The following C10orf71 variants were observed in gnomAD, a reference collection of about 807,000 sequenced individuals.
C10orf71 encodes the protein chromosome 10 open reading frame 71.
For missense variants in C10orf71, 1,869 were observed against 1,804.5 expected (o/e 1.04, Z -0.65); for synonymous variants, 758 against 726.3 (o/e 1.04, Z -0.70).
In C10orf71 at chr10:49,324,475, C is replaced by T; in HGVS notation, c.1930C>T (p.His644Tyr). The change falls in exon 3 of 3, where the codon CAC becomes TAC. Residue 644 changes from histidine to tyrosine, a missense_variant. Physicochemically the swap from His to Tyr is moderately conservative, Grantham distance 83. Coordinates refer to ENST00000374144, the MANE Select transcript of C10orf71 (RefSeq NM_001135196.2). ...CTCCAGGGAACACCGCCCCAGGAAA[C>T]ACCTCTCCCTGAGGCTTTGCAATAG... ...PDSREHRPRK[H>Y]LSLRLCNRDP... 1 of 1,608,712 alleles carries T rather than the reference C, an allele frequency of 6.2e-7. No individual in the cohort carries two copies. The highest frequency in any genetic ancestry group is 8.5e-7 in the Non-Finnish European group (1 of 1,177,266).
At chr10:49,310,776 AGATGAT>A (rs10661682) in intron 1 of C10orf71, among the ~76,000 whole-genome samples, 3 of 148,800 alleles carry the variant, frequency 2.0e-5, no homozygotes, top group Admixed American at 6.7e-5. Flanking sequence ...TCAGGTAGCC[AGATGAT>A]GATGATGATG....
At chr10:49,308,595 A>G (rs1033568171) in intron 1 of C10orf71, among the ~76,000 whole-genome samples, 25 of 152,216 alleles carry the variant, frequency 1.6e-4, no homozygotes, top group Admixed American at 4.6e-4. Flanking sequence ...AAGCCAATCT[A>G]AGGCAATCAG....
intron 2 of C10orf71, among the ~76,000 whole-genome samples, chr10:49,318,096 C>A (rs995290607): frequency 6.6e-6 from 1 of 152,218 alleles, no homozygotes; most frequent in Non-Finnish European, 1.5e-5. Flanking sequence ...TCATTTGTTA[C>A]GGCAGCCCCA....
In C10orf71 at chr10:49,325,544, A is replaced by G. The variant is rs1418140458; in HGVS notation, c.2999A>G (p.His1000Arg). 6.4e-7 allele frequency: 1 copy of G among 1,550,502 alleles called. No homozygotes were observed. Among genetic ancestry groups the G allele is most frequent in the Admixed American group, 2.0e-5 (1 of 50,952 alleles). ...TCAGGGAAGCTGGCAGCCCCATGGC[A>G]CATCCCCACCATTGCTTTACCCGAG... The part of the protein sequence containing the change: ...ADSGKLAAPW[H>R]IPTIALPEGD... Residue 1000 changes from histidine (H) to arginine (R), a missense_variant, in exon 3 of 3, where the codon CAC (histidine) becomes CGC (arginine). Transcript: ENST00000374144.
At chr10:49,322,377 CG>C in intron 2 of C10orf71, 24 bp from the exon 3 acceptor site, 2 of 707,816 alleles carry the variant, frequency 2.8e-6, no homozygotes, top group South Asian at 4.1e-5. Flanking sequence ...ACTTTGTTCA[CG>C]CCCTGCACCT....
Position 49,326,928 on chromosome 10 carries a change from C to CACACACAT in C10orf71, c.*82_*83insTACACACA. ...TCCCCCTCCCCCAAAACAAGCAACA[C>CACACACAT]ACACACACACACACACACACACACA... On this transcript the variant is annotated 3_prime_UTR_variant, in exon 3 of 3. Coordinates refer to ENST00000374144, the MANE Select transcript of C10orf71 (RefSeq NM_001135196.2). 1 of 1,481,606 alleles carries CACACACAT rather than the reference C, an allele frequency of 6.7e-7. No individual in the cohort carries two copies. The highest frequency in any genetic ancestry group is 9.0e-7 in the Non-Finnish European group (1 of 1,108,214). 91.8% of individuals were successfully genotyped at this position (1,481,606 alleles called of 1,614,324 possible). A position where few individuals can be genotyped will look rare whatever the true frequency, so the allele number is the denominator to read the frequency against.
At chr10:49,317,942 G>A (rs1232150053) in intron 2 of C10orf71, among the ~76,000 whole-genome samples, 1 of 152,214 alleles carries the variant, frequency 6.6e-6, no homozygotes, top group Non-Finnish European at 1.5e-5. Flanking sequence ...GACACAGGGA[G>A]AAGACGGGTG....
chr10:49,325,167 T>C lies in C10orf71; in HGVS notation c.2622T>C (p.Pro874=). ...CCGTAATTAAACCTATCATGCTGCCTCTCCTGAGGACCATGTCCTTGGAGG... is the reference window on the plus strand; with the variant it reads ...CCGTAATTAAACCTATCATGCTGCCCCTCCTGAGGACCATGTCCTTGGAGG... ...ATPVIKPIML[P]LLRTMSLEDS... The change falls in exon 3 of 3, where the codon CCT becomes CCC. Residue 874 remains proline, a synonymous_variant. Coordinates refer to ENST00000374144, the MANE Select transcript of C10orf71 (RefSeq NM_001135196.2). 6.4e-7 allele frequency: 1 copy of C among 1,552,028 alleles called. No homozygotes were observed. The highest frequency in any genetic ancestry group is 1.2e-5 in the South Asian group (1 of 84,062).
upstream of C10orf71, among the ~76,000 whole-genome samples, chr10:49,298,428 G>A (rs2132389046): frequency 1.3e-5 from 2 of 152,354 alleles, no homozygotes; most frequent in South Asian, 4.1e-4. Flanking sequence ...AGGCACTCTG[G>A]GAGCTGGCAT....
chr10:49,322,121 G>C (rs1193315093), intron 2 of C10orf71, among the ~76,000 whole-genome samples: 1 of 152,162 alleles, frequency 6.6e-6, no homozygotes, highest in African/African-American at 2.4e-5. Flanking sequence ...TGCGAACTCA[G>C]TCTTTTTACT....
intron 2 of C10orf71, among the ~76,000 whole-genome samples, chr10:49,318,001 C>T (rs926663589): frequency 1.3e-5 from 2 of 152,210 alleles, no homozygotes; most frequent in Non-Finnish European, 2.9e-5. Flanking sequence ...TTACAGCCCT[C>T]ATAAGGAACC....
rs151054846 is a variant in C10orf71 at position 49,300,118 on chromosome 10, T to A, written c.-248+885T>A. Among the ~76,000 whole-genome samples, 365 of 152,248 alleles carry A rather than the reference T, an allele frequency of 2.4e-3. 1 individual carries two copies. Among genetic ancestry groups the A allele is most frequent in the African/African-American group, 8.1e-3 (335 of 41,546 alleles). ...AGCTAGATAGCCTTAAGAAAAATCATTGTGTAGGCCTTTCAGGTAGCTCCC... is the reference window on the plus strand; with the variant it reads ...AGCTAGATAGCCTTAAGAAAAATCAATGTGTAGGCCTTTCAGGTAGCTCCC... On this transcript the variant is annotated intron_variant, in intron 1 of 2. Coordinates refer to ENST00000374144, the MANE Select transcript of C10orf71 (RefSeq NM_001135196.2).
intron 2 of C10orf71, among the ~76,000 whole-genome samples, chr10:49,320,852 G>A (rs186878416): frequency 2.6e-5 from 4 of 152,234 alleles, no homozygotes; most frequent in East Asian, 1.9e-4. Context: ...ATCCAAAGGC[G>A]GAAGTTCCTC....
intron 1 of C10orf71, among the ~76,000 whole-genome samples, chr10:49,309,280 G>T (rs1848870480): frequency 6.6e-6 from 1 of 152,186 alleles, no homozygotes; most frequent in African/African-American, 2.4e-5. Flanking sequence ...GAAGTAATTA[G>T]GTCATGAGGG....
At position 49,324,095 on chromosome 10, in the gene C10orf71, C is replaced by T; in HGVS notation, c.1550C>T (p.Ser517Leu). 1 of 1,613,998 alleles carries T rather than the reference C, an allele frequency of 6.2e-7. No individual in the cohort carries two copies. Among genetic ancestry groups the T allele is most frequent in the South Asian group, 1.1e-5 (1 of 91,074 alleles). ...CGTGTTAAGAGCACATACAGTTCCTCACCTCTCTTGAAAGTGCTTGATGAG... is the reference window on the plus strand; with the variant it reads ...CGTGTTAAGAGCACATACAGTTCCTTACCTCTCTTGAAAGTGCTTGATGAG... ...RKRVKSTYSS[S>L]PLLKVLDEKT... Residue 517 changes from serine to leucine, a missense_variant, in exon 3 of 3, where the codon TCA becomes TTA. Ser to Leu is a moderately radical substitution (Grantham distance 145). Transcript: ENST00000374144.
chr10:49,309,552 A>G (rs1215057164), intron 1 of C10orf71, among the ~76,000 whole-genome samples: 2 of 152,170 alleles, frequency 1.3e-5, no homozygotes, highest in African/African-American at 4.8e-5. Context: ...AAGCTAAGAC[A>G]TTCTCCTCAT....
intron 2 of C10orf71, among the ~76,000 whole-genome samples, chr10:49,320,206 AG>A (rs1388847440): frequency 1.3e-5 from 2 of 152,208 alleles, no homozygotes; most frequent in Non-Finnish European, 2.9e-5. Context: ...CCAGGGATGT[AG>A]AGTTGGGCAC....
rs377586207 is a variant in C10orf71, at chr10:49,326,370, G to A, written c.3825G>A (p.Lys1275=). The change falls in exon 3 of 3, where the codon AAG becomes AAA. Residue 1275 remains lysine, a synonymous_variant. Coordinates refer to ENST00000374144, the MANE Select transcript of C10orf71 (RefSeq NM_001135196.2). ...TGCCCGCGTACCCCGCCACCCAGAA[G>A]GTCCTCCAGGATCCGCAGTCCGGGG... ...TPLPAYPATQ[K]VLQDPQSGEY... 6.3e-5 allele frequency: 98 copies of A among 1,550,522 alleles called. No homozygotes were observed. Among genetic ancestry groups the A allele is most frequent in the East Asian group, 4.6e-4 (19 of 40,906 alleles).
upstream of C10orf71, chr10:49,298,635 G>A (rs1319861071): frequency 6.6e-6 from 1 of 152,242 alleles, no homozygotes; most frequent in Non-Finnish European, 1.5e-5. Flanking sequence ...ACTGGTGCTT[G>A]GACTTTGCAA....
Sources: gnomAD v4.1 joint callset for allele counts (sites outside exome capture counted in the v4.1 genomes callset) on GRCh38, gnomAD v4.1.1 for gene constraint, MANE v1.5 for transcripts, NCBI Gene and HGNC (gene_info 2026-07-23, HGNC 2026-07-21) for gene names.